ZNF670: variants seen among roughly 807,000 people sequenced by gnomAD.
The protein encoded by ZNF670 is zinc finger protein 670.
ZNF670 carries 7 observed loss-of-function variants against 10.9 expected under a neutral mutation model. The ratio of observed to expected loss-of-function variants is 0.64; its 90% CI spans 0.36 to 1.20. ZNF670 has a LOEUF of 1.20. ZNF670 is among the 50% of genes most tolerant of loss of function. The pLI is 0.02. For missense variants in ZNF670, 446 were observed against 458.6 expected, an observed-to-expected ratio of 0.97 and a Z score of 0.25; for synonymous variants, 136 against 152.7, an observed-to-expected ratio of 0.89 and a Z score of 0.81.
At chr1:247,062,998 CA>C (rs1205481007) in intron 1 of ZNF670, among the ~76,000 whole-genome samples, 18 of 152,288 alleles carry the variant, frequency 1.2e-4, no homozygotes, top group African/African-American at 4.3e-4. Flanking sequence ...TTACAGTTTC[CA>C]TAGAGGAATC....
At position 247,068,881 on chromosome 1, in the gene ZNF670, C is replaced by T. The variant is rs78617181; in HGVS notation, c.3+9713G>A. Among the ~76,000 whole-genome samples, 1,025 of 142,838 alleles carry T rather than the reference C, an allele frequency of 7.2e-3. 43 individuals carry two copies. Among genetic ancestry groups the T allele is most frequent in the African/African-American group, 0.014 (527 of 36,888 alleles). The allele number at this position is 142,838 out of a possible 152,430, so 93.7% of individuals were successfully genotyped here. ...GATCCAGTCGTTTGCAGCAACAACA[C>T]GGATGGAACTGGAGATCATGATGTT... On this transcript the variant is annotated intron_variant, in intron 1 of 3. Coordinates refer to ENST00000366503, the MANE Select transcript of ZNF670 (RefSeq NM_033213.5).
chr1:247,038,933 G>A (rs1369452798), intron 2 of ZNF670, 63 bp from the exon 3 acceptor site: 1 of 1,367,450 alleles, frequency 7.3e-7, no homozygotes, highest in African/African-American at 1.4e-5. Context: ...CTAGATTCAA[G>A]GTTCACTATA....
chr1:247,052,864 T>G (rs1261665401), intron 1 of ZNF670, among the ~76,000 whole-genome samples: 1 of 152,192 alleles, frequency 6.6e-6, no homozygotes, highest in African/African-American at 2.4e-5. Context: ...CAAAAAAGTA[T>G]GTCTTTTGTC....
rs778076483 is a variant in ZNF670 at position 247,039,394 on chromosome 1, A to C, written c.130+17T>G. On this transcript the variant is annotated intron_variant, in intron 2 of 3. Transcript: ENST00000366503. ...TGCGTTGTAATCAACTACGTGAATA[A>C]GTGTTGTTATTCTTACCTACAGAAG... 1.2e-6 allele frequency: 2 copies of C among 1,602,098 alleles called. No homozygotes were observed. The highest frequency in any genetic ancestry group is 1.7e-6 in the Non-Finnish European group (2 of 1,175,500).
intron 1 of ZNF670, among the ~76,000 whole-genome samples, chr1:247,068,319 C>CAAAAAAAAAA (rs74163724): frequency 0.012 from 646 of 55,032 alleles, 24 homozygotes; most frequent in Middle Eastern, 0.016. Context: ...ATTCTGTCTC[C>CAAAAAAAAAA]AAAAAAAAAA....
At chr1:247,046,989 C>T (rs917237040) in intron 1 of ZNF670, among the ~76,000 whole-genome samples, 2 of 152,218 alleles carry the variant, frequency 1.3e-5, no homozygotes, top group South Asian at 2.1e-4. Flanking sequence ...CCAAAATGAT[C>T]GCCTTTGACT....
At chr1:247,060,164 A>G (rs1459294414) in intron 1 of ZNF670, among the ~76,000 whole-genome samples, 1 of 152,238 alleles carries the variant, frequency 6.6e-6, no homozygotes, top group Middle Eastern at 3.2e-3. Flanking sequence ...CAAAAGACCC[A>G]GATGGTAATA....
intron 1 of ZNF670, among the ~76,000 whole-genome samples, chr1:247,078,027 G>A (rs2103076574): frequency 6.6e-6 from 1 of 152,270 alleles, no homozygotes; most frequent in African/African-American, 2.4e-5. Context: ...TACATAACCA[G>A]GAGATATCTG....
At chr1:247,064,292 C>T (rs1254974122) in intron 1 of ZNF670, among the ~76,000 whole-genome samples, 1 of 152,316 alleles carries the variant, frequency 6.6e-6, no homozygotes, top group East Asian at 1.9e-4. Flanking sequence ...GCTCTGCTAC[C>T]AGTGGCTCTT....
intron 1 of ZNF670, among the ~76,000 whole-genome samples, chr1:247,071,242 T>C (rs1419852093): frequency 1.3e-5 from 2 of 152,128 alleles, no homozygotes; most frequent in African/African-American, 2.4e-5. Context: ...AACAGTAAAA[T>C]GGATAAAGAA....
intron 1 of ZNF670, among the ~76,000 whole-genome samples, chr1:247,060,138 C>T (rs991356228): frequency 2.6e-5 from 4 of 152,068 alleles, no homozygotes; most frequent in South Asian, 2.1e-4. Flanking sequence ...TTTATTCTAA[C>T]ACCTATATGA....
intron 1 of ZNF670, among the ~76,000 whole-genome samples, chr1:247,059,482 TAAAC>T (rs1670804713): frequency 6.6e-6 from 1 of 150,808 alleles, no homozygotes; most frequent in Admixed American, 6.6e-5. Context: ...AGTAAATAAA[TAAAC>T]AAAAATAAAA....
chr1:247,056,799 T>C (rs529933169), intron 1 of ZNF670, among the ~76,000 whole-genome samples: 15 of 152,046 alleles, frequency 9.9e-5, no homozygotes, highest in Admixed American at 2.6e-4. Context: ...TATCCACATG[T>C]AGAAGAATAA....
At chr1:247,055,020 G>T (rs1290629959) in intron 1 of ZNF670, among the ~76,000 whole-genome samples, 1 of 152,112 alleles carries the variant, frequency 6.6e-6, no homozygotes, top group Non-Finnish European at 1.5e-5. Flanking sequence ...AAAAAATCAG[G>T]CTGCAGGCAC....
chr1:247,044,213 G>C (rs1309775100), intron 1 of ZNF670, among the ~76,000 whole-genome samples: 3 of 151,972 alleles, frequency 2.0e-5, no homozygotes, highest in Non-Finnish European at 4.4e-5. Context: ...AGACTGTCAA[G>C]GTTCACGGAA....
chr1:247,041,573 C>G (rs544419481), intron 1 of ZNF670, among the ~76,000 whole-genome samples: 1 of 152,338 alleles, frequency 6.6e-6, no homozygotes, highest in East Asian at 1.9e-4. Flanking sequence ...GAGGAGTCAA[C>G]TGATACCCTC....
At chr1:247,067,741 C>T (rs1671020063) in intron 1 of ZNF670, among the ~76,000 whole-genome samples, 1 of 142,302 alleles carries the variant, frequency 7.0e-6, no homozygotes, top group South Asian at 2.3e-4. Context: ...ACTTGGGAGG[C>T]TGAGGCAGGA....
At chr1:247,055,617 C>A (rs1670696413) in intron 1 of ZNF670, among the ~76,000 whole-genome samples, 1 of 152,210 alleles carries the variant, frequency 6.6e-6, no homozygotes, top group Admixed American at 6.5e-5. Context: ...GAGACTGCTA[C>A]ATTGTGGTGC....
At chr1:247,043,442 A>C (rs925770038) in intron 1 of ZNF670, 2 of 608,268 alleles carry the variant, frequency 3.3e-6, no homozygotes, top group African/African-American at 3.8e-5. Flanking sequence ...CTATAAACAT[A>C]ATAAAAAAAA....
Sources: gnomAD v4.1 joint callset for allele counts (sites outside exome capture counted in the v4.1 genomes callset) on GRCh38, gnomAD v4.1.1 for gene constraint, MANE v1.5 for transcripts, NCBI Gene and HGNC (gene_info 2026-07-23, HGNC 2026-07-21) for gene names.